Variants in SPOCK3 observed in about 807,000 individuals in gnomAD.
The protein encoded by SPOCK3 is testican-3.
A neutral mutation model predicts 56.6 loss-of-function variants in SPOCK3; 30 were observed. That is an observed-to-expected ratio of 0.53 (90% CI 0.40 to 0.72). The LOEUF (loss-of-function observed/expected upper bound fraction) is 0.72, where lower values mean the gene tolerates loss of function less well. Among genes scored for constraint, SPOCK3 ranks in the 30% least tolerant of loss-of-function variants. SPOCK3 has a pLI of 0.00. For missense variants in SPOCK3, 527 were observed against 530.0 expected, an observed-to-expected ratio of 0.99 and a Z score of 0.06; for synonymous variants, 196 against 183.3, an observed-to-expected ratio of 1.07 and a Z score of -0.56.
intron 2 of SPOCK3, among the ~76,000 whole-genome samples, chr4:167,224,601 A>T (rs1011511396): frequency 6.6e-6 from 1 of 152,284 alleles, no homozygotes; most frequent in South Asian, 2.1e-4. Context: ...AAGCTACCAA[A>T]TGTTCAAACT....
intron 7 of SPOCK3, among the ~76,000 whole-genome samples, chr4:166,781,692 CCAAT>C (rs1475693190): frequency 2.0e-5 from 3 of 151,686 alleles, no homozygotes; most frequent in African/African-American, 7.3e-5. Flanking sequence ...TAAACACCAA[CCAAT>C]CAAACAAACA....
intron 8 of SPOCK3, among the ~76,000 whole-genome samples, chr4:166,742,831 CA>C (rs1735034370): frequency 6.6e-6 from 1 of 152,078 alleles, no homozygotes; most frequent in African/African-American, 2.4e-5. Flanking sequence ...TAAATAGTCA[CA>C]ATATAGTTTG....
chr4:166,868,285 A>AC (rs1732071208), intron 6 of SPOCK3, among the ~76,000 whole-genome samples: 1 of 132,408 alleles, frequency 7.6e-6, no homozygotes, highest in Non-Finnish European at 1.7e-5. Context: ...ATCTCTACAA[A>AC]AAAAAAGAAA....
intron 4 of SPOCK3, among the ~76,000 whole-genome samples, chr4:166,945,267 G>A (rs1483437842): frequency 1.3e-5 from 2 of 151,856 alleles, no homozygotes; most frequent in African/African-American, 4.8e-5. Flanking sequence ...ATAGATATAG[G>A]AAATACATTC....
At position 166,971,436 on chromosome 4, in the gene SPOCK3, T is replaced by TA. The variant is rs1745373700; in HGVS notation, c.350+28912dup. Among the ~76,000 whole-genome samples, 3 of 151,056 alleles carry TA rather than the reference T, an allele frequency of 2.0e-5. No homozygotes were observed. The South Asian group carries it at 6.2e-4, about 31-fold the overall frequency. On this transcript the variant is annotated intron_variant, in intron 4 of 10. Transcript: ENST00000357545. ...CGAAGATTACTTGATATTTTGTACT[T>TA]ACATTCATGTCTGTGGCTTTTAACA...
intron 7 of SPOCK3, among the ~76,000 whole-genome samples, chr4:166,764,336 C>G (rs1415021493): frequency 6.6e-6 from 1 of 152,024 alleles, no homozygotes; most frequent in Non-Finnish European, 1.5e-5. Flanking sequence ...GCTTTCCCTC[C>G]CCCCTCTCCC....
intron 6 of SPOCK3, among the ~76,000 whole-genome samples, chr4:166,862,498 C>T (rs910034812): frequency 1.3e-5 from 2 of 151,864 alleles, no homozygotes; most frequent in African/African-American, 4.8e-5. Flanking sequence ...TTGCTACTAA[C>T]TTTTTTATCT....
At chr4:166,750,381 T>C (rs575773768) in intron 8 of SPOCK3, among the ~76,000 whole-genome samples, 11 of 152,232 alleles carry the variant, frequency 7.2e-5, no homozygotes, top group African/African-American at 1.9e-4. Context: ...GGTAGAGACA[T>C]GGATTCATCT....
At chr4:167,024,845 G>A (rs901568964) in intron 3 of SPOCK3, among the ~76,000 whole-genome samples, 1 of 151,212 alleles carries the variant, frequency 6.6e-6, no homozygotes, top group Admixed American at 6.6e-5. Flanking sequence ...ATAACCTATG[G>A]AAAAATAAAA....
In SPOCK3 at chr4:166,748,045, A is replaced by T. The variant is rs184246963; in HGVS notation, c.932-5986T>A. ...TGGATAGGAAGAATCAATACCATGA[A>T]AATGGCCTTACTGCCCAAGGTAATT... is the stretch of plus-strand genomic sequence containing the variant. On this transcript the variant is annotated intron_variant, in intron 8 of 10. Transcript: ENST00000357545. Among the ~76,000 whole-genome samples, 800 of 152,294 alleles carry T rather than the reference A, an allele frequency of 5.3e-3. 3 individuals carry two copies. The highest frequency in any genetic ancestry group is 8.5e-3 in the Non-Finnish European group (576 of 68,030).
intron 5 of SPOCK3, among the ~76,000 whole-genome samples, chr4:166,903,191 T>A (rs1229453420): frequency 5.3e-5 from 8 of 149,830 alleles, no homozygotes; most frequent in Non-Finnish European, 3.0e-5. Context: ...ATTTATTAAA[T>A]AAATTGTGAA....
At chr4:167,038,112 C>T (rs1752923250) in intron 3 of SPOCK3, among the ~76,000 whole-genome samples, 1 of 152,078 alleles carries the variant, frequency 6.6e-6, no homozygotes, top group Admixed American at 6.5e-5. Flanking sequence ...ACAAAATAGT[C>T]ACTGCATTCC....
intron 6 of SPOCK3, among the ~76,000 whole-genome samples, chr4:166,855,121 G>A (rs547331335): frequency 6.6e-6 from 1 of 152,134 alleles, no homozygotes; most frequent in Non-Finnish European, 1.5e-5. Context: ...CACTGTCAAA[G>A]AGAACAGTGA....
intron 6 of SPOCK3, among the ~76,000 whole-genome samples, chr4:166,800,957 A>G (rs902862853): frequency 2.0e-5 from 3 of 152,100 alleles, no homozygotes; most frequent in African/African-American, 7.2e-5. Context: ...AATCTTTTAT[A>G]CCATATTTTG....
chr4:166,969,470 T>C (rs551360259), intron 4 of SPOCK3, among the ~76,000 whole-genome samples: 1 of 152,308 alleles, frequency 6.6e-6, no homozygotes, highest in Admixed American at 6.5e-5. Flanking sequence ...TAGTGAGTTT[T>C]CATGAGATCT....
At chr4:167,026,644 GAACT>G (rs565203980) in intron 3 of SPOCK3, among the ~76,000 whole-genome samples, 95 of 151,834 alleles carry the variant, frequency 6.3e-4, no homozygotes, top group Non-Finnish European at 1.1e-3. Context: ...AAATAATAAA[GAACT>G]AAAACATAAA....
intron 6 of SPOCK3, among the ~76,000 whole-genome samples, chr4:166,859,959 A>C (rs944519253): frequency 1.3e-5 from 2 of 152,154 alleles, no homozygotes; most frequent in African/African-American, 4.8e-5. Context: ...ACCAGTATCT[A>C]TCAAGAAGAC....
At chr4:167,228,560 C>T (rs2111160575) in intron 2 of SPOCK3, among the ~76,000 whole-genome samples, 1 of 152,238 alleles carries the variant, frequency 6.6e-6, no homozygotes, top group African/African-American at 2.4e-5. Flanking sequence ...TCTGACCTGC[C>T]TTCCTTCGTC....
chr4:167,104,782 G>A (rs909244401), intron 2 of SPOCK3, among the ~76,000 whole-genome samples: 3 of 151,304 alleles, frequency 2.0e-5, no homozygotes, highest in Non-Finnish European at 4.4e-5. Context: ...TTATCTCAAG[G>A]CATTTAATAA....
Sources: gnomAD v4.1 joint callset for allele counts (sites outside exome capture counted in the v4.1 genomes callset) on GRCh38, gnomAD v4.1.1 for gene constraint, MANE v1.5 for transcripts, NCBI Gene and HGNC (gene_info 2026-07-23, HGNC 2026-07-21) for gene names.